Variants in DIAPH2 observed in about 807,000 individuals in gnomAD.
DIAPH2 encodes the protein diaphanous related formin 2, also known as protein diaphanous homolog 2.
Under a neutral mutation model 92.7 loss-of-function variants are expected in DIAPH2, and 35 were observed. That is an observed-to-expected ratio of 0.38 (90% CI 0.29 to 0.50). The LOEUF (loss-of-function observed/expected upper bound fraction) is 0.50. Among genes scored for constraint, DIAPH2 ranks in the 20% least tolerant of loss-of-function variants. The pLI is 0.94. For missense variants in DIAPH2, 701 were observed against 819.5 expected (o/e 0.86, Z 1.77); for synonymous variants, 301 against 280.4 (o/e 1.07, Z -0.73).
chrX:96,785,475 C>CTTT (rs1157552270), intron 4 of DIAPH2, among the ~76,000 whole-genome samples: 12 of 57,177 alleles, frequency 2.1e-4, no homozygotes, highest in Non-Finnish European at 2.9e-4. Context: ...CCAAACTTGC[C>CTTT]TTTTTTTTTT....
chrX:96,837,750 A>G (rs1406771513), intron 4 of DIAPH2, among the ~76,000 whole-genome samples: 2 of 111,249 alleles, frequency 1.8e-5, no homozygotes, highest in African/African-American at 6.5e-5. Flanking sequence ...TCTTAATTGA[A>G]ATGGCGGCCT....
At chrX:96,989,143 A>G (rs1233483051) in intron 17 of DIAPH2, among the ~76,000 whole-genome samples, 1 of 111,871 alleles carries the variant, frequency 8.9e-6, no homozygotes, top group African/African-American at 3.2e-5. Context: ...AAAGGTTTGC[A>G]TTATCTTGTT....
chrX:97,009,903 T>G (rs1216197340), intron 17 of DIAPH2, among the ~76,000 whole-genome samples: 3 of 111,247 alleles, frequency 2.7e-5, no homozygotes, highest in Non-Finnish European at 5.7e-5. Flanking sequence ...TGGGTGGTGG[T>G]GGGGGGCTGA....
chrX:96,751,296 G>A (rs1175991780), intron 3 of DIAPH2, among the ~76,000 whole-genome samples: 2 of 110,932 alleles, frequency 1.8e-5, no homozygotes, highest in East Asian at 5.7e-4. Flanking sequence ...AACATTATAG[G>A]CTGGGCGCGG....
intron 17 of DIAPH2, among the ~76,000 whole-genome samples, chrX:96,981,238 AT>A (rs1184400881): frequency 1.4e-3 from 153 of 109,969 alleles, no homozygotes; most frequent in African/African-American, 4.9e-3. Context: ...TGAAACTTAG[AT>A]TTTTTTTTGT....
chrX:97,358,849 C>T (rs764630393), intron 24 of DIAPH2, among the ~76,000 whole-genome samples: 1 of 111,821 alleles, frequency 8.9e-6, no homozygotes, highest in Admixed American at 9.5e-5. Flanking sequence ...TTTTCCTATG[C>T]ATGTACATAA....
rs1391919975 is a variant in DIAPH2 at position 97,396,465 on chromosome X, A to T, written c.3145+12421A>T. ...GGCGGGCAGATCATCTGAGGTCAGG[A>T]GTTCGAGACCAGCCTGGCCAACATG... On this transcript the variant is annotated intron_variant, in intron 25 of 26. Coordinates refer to ENST00000324765, the MANE Select transcript of DIAPH2 (RefSeq NM_006729.5). Among the ~76,000 whole-genome samples the T allele has an allele frequency of 2.7e-5, 3 of 110,294 alleles. No individual in the cohort carries two copies. In the East Asian group the frequency reaches 8.6e-4, roughly 32 times the overall value.
At chrX:97,559,040 C>T (rs1351785562) in intron 26 of DIAPH2, among the ~76,000 whole-genome samples, 1 of 112,109 alleles carries the variant, frequency 8.9e-6, no homozygotes, top group African/African-American at 3.2e-5. Flanking sequence ...TTGGGTTTAT[C>T]AGGGCGTAAC....
chrX:97,361,377 A>G (rs142740871), intron 24 of DIAPH2, among the ~76,000 whole-genome samples: 1,315 of 112,101 alleles, frequency 0.012, 18 homozygotes, highest in African/African-American at 0.041. Context: ...TTCAATTATT[A>G]CTATAAGTGC....
intron 26 of DIAPH2, among the ~76,000 whole-genome samples, chrX:97,565,789 A>G (rs935445452): frequency 8.9e-6 from 1 of 111,751 alleles, no homozygotes; most frequent in African/African-American, 3.3e-5. Flanking sequence ...TGTCCACCTA[A>G]GTTTTTAGAG....
chrX:96,940,491 C>T (rs1049679921), intron 12 of DIAPH2, among the ~76,000 whole-genome samples: 18 of 111,444 alleles, frequency 1.6e-4, no homozygotes, highest in African/African-American at 5.9e-4. Flanking sequence ...CTCTGATTTG[C>T]GTGAAATTCT....
In DIAPH2 at chrX:97,083,835, A is replaced by G. The variant is rs1325531012; in HGVS notation, c.2247+8574A>G. Among the ~76,000 whole-genome samples the G allele has an allele frequency of 2.7e-5, 3 of 112,091 alleles. No individual in the cohort carries two copies. In the East Asian group the frequency reaches 8.3e-4, roughly 31 times the overall value. On this transcript the variant is annotated intron_variant, in intron 19 of 26. Transcript: ENST00000324765. ...GTATAGGTCCAAACAAAATGATACC[A>G]TACATTTACAAATTCTATATCCCAG...
At chrX:97,344,074 A>G (rs1439824978) in intron 23 of DIAPH2, among the ~76,000 whole-genome samples, 3 of 112,131 alleles carry the variant, frequency 2.7e-5, no homozygotes, top group African/African-American at 9.7e-5. Context: ...GGTATATAAT[A>G]AGTGATAAAG....
At chrX:96,732,252 G>A (rs192201750) in intron 1 of DIAPH2, among the ~76,000 whole-genome samples, 155 of 111,734 alleles carry the variant, frequency 1.4e-3, no homozygotes, top group African/African-American at 4.7e-3. Context: ...AGATAATTGT[G>A]TAGCAGAAAT....
At chrX:96,795,266 C>T (rs190407047) in intron 4 of DIAPH2, among the ~76,000 whole-genome samples, 1 of 111,159 alleles carries the variant, frequency 9.0e-6, no homozygotes, top group Admixed American at 9.6e-5. Context: ...CTCACTGCAA[C>T]TTCAGTAATA....
chrX:97,471,083 AT>A (rs752735947), intron 26 of DIAPH2, among the ~76,000 whole-genome samples: 2 of 111,853 alleles, frequency 1.8e-5, no homozygotes, highest in Non-Finnish European at 3.8e-5. Context: ...CCATTTATTT[AT>A]TCCGCTCACC....
At chrX:97,403,030 A>G (rs1483247093) in intron 25 of DIAPH2, among the ~76,000 whole-genome samples, 1 of 112,029 alleles carries the variant, frequency 8.9e-6, no homozygotes, top group Non-Finnish European at 1.9e-5. Context: ...TCAGAATTTC[A>G]AGATGGCAGC....
chrX:97,298,150 T>C (rs2068661002), intron 23 of DIAPH2, among the ~76,000 whole-genome samples: 1 of 109,736 alleles, frequency 9.1e-6, no homozygotes, highest in African/African-American at 3.3e-5. Context: ...ATTAATTTTT[T>C]CCTCATACCC....
intron 24 of DIAPH2, among the ~76,000 whole-genome samples, chrX:97,365,106 C>T (rs2069367560): frequency 9.0e-6 from 1 of 111,225 alleles, no homozygotes; most frequent in Non-Finnish European, 1.9e-5. Context: ...ATTTCATACC[C>T]AGCTTATGCA....
Sources: allele counts gnomAD v4.1 joint callset (sites outside exome capture counted in the v4.1 genomes callset), GRCh38; gene constraint gnomAD v4.1.1; transcripts MANE v1.5; gene names NCBI Gene and HGNC (gene_info 2026-07-23, HGNC 2026-07-21).